Variants in TAFA1 observed in about 807,000 individuals in gnomAD.
The protein encoded by TAFA1 is TAFA chemokine like family member 1.
TAFA1 carries 4 observed loss-of-function variants against 18.5 expected under a neutral mutation model. That is an observed-to-expected ratio of 0.22 (90% CI 0.11 to 0.49). TAFA1 has a LOEUF of 0.49. Among genes scored for constraint, TAFA1 ranks in the 20% least tolerant of loss-of-function variants. TAFA1 has a pLI of 0.98. For synonymous variants in TAFA1, 56 were observed against 55.2 expected, an observed-to-expected ratio of 1.01 and a Z score of -0.06; for missense variants, 147 against 169.0, an observed-to-expected ratio of 0.87 and a Z score of 0.72.
chr3:68,229,364 AT>A (rs1466143096), intron 2 of TAFA1, among the ~76,000 whole-genome samples: 1 of 152,208 alleles, frequency 6.6e-6, no homozygotes, highest in Non-Finnish European at 1.5e-5. Context: ...TCTTGCTAAG[AT>A]ATCTTATTCT....
intron 3 of TAFA1, among the ~76,000 whole-genome samples, chr3:68,485,022 T>C (rs1229854561): frequency 3.9e-5 from 6 of 152,332 alleles, no homozygotes; most frequent in East Asian, 1.9e-4. Context: ...CTTGCAAAGA[T>C]AGGAAGATTA....
At chr3:67,993,809 G>T in the TAFA1 span, among the ~76,000 whole-genome samples, 2 of 152,206 alleles carry the variant, frequency 1.3e-5, no homozygotes, top group East Asian at 1.9e-4. Flanking sequence ...AAGAGGAGGG[G>T]GTGGAAGAGA....
intron 2 of TAFA1, among the ~76,000 whole-genome samples, chr3:68,298,428 G>A (rs1341881681): frequency 6.6e-6 from 1 of 152,180 alleles, no homozygotes; most frequent in African/African-American, 2.4e-5. Context: ...ACAGAAAAAG[G>A]AGGACATTGA....
At chr3:68,520,089 G>GT (rs936809202) in intron 3 of TAFA1, among the ~76,000 whole-genome samples, 8 of 151,882 alleles carry the variant, frequency 5.3e-5, no homozygotes, top group Non-Finnish European at 8.8e-5. Flanking sequence ...ACTGGTGATT[G>GT]TTTTTTTTCT....
intron 2 of TAFA1, among the ~76,000 whole-genome samples, chr3:68,130,295 A>AT (rs1481808410): frequency 2.6e-5 from 4 of 152,190 alleles, no homozygotes; most frequent in African/African-American, 9.7e-5. Flanking sequence ...AATTCCAAGA[A>AT]TTTTAGGCAC....
chr3:68,453,761 G>A (rs1478852185), intron 3 of TAFA1, among the ~76,000 whole-genome samples: 1 of 152,146 alleles, frequency 6.6e-6, no homozygotes, highest in Non-Finnish European at 1.5e-5. Context: ...TTCCTGGGAT[G>A]TTATTCATCA....
chr3:68,494,111 A>AT (rs1329433789), intron 3 of TAFA1, among the ~76,000 whole-genome samples: 1 of 151,986 alleles, frequency 6.6e-6, no homozygotes, highest in Non-Finnish European at 1.5e-5. Flanking sequence ...TATTTGTTTA[A>AT]TTTTTTTTGA....
At chr3:68,392,934 A>G (rs1220289685) in intron 2 of TAFA1, among the ~76,000 whole-genome samples, 1 of 152,188 alleles carries the variant, frequency 6.6e-6, no homozygotes, top group African/African-American at 2.4e-5. Context: ...CCCTAACGTC[A>G]CAATTAAAAG....
At chr3:68,309,272 A>G (rs777189982) in intron 2 of TAFA1, among the ~76,000 whole-genome samples, 25 of 152,216 alleles carry the variant, frequency 1.6e-4, no homozygotes, top group Non-Finnish European at 3.1e-4. Flanking sequence ...ATAATGAATT[A>G]TAAAATACAA....
intron 3 of TAFA1, among the ~76,000 whole-genome samples, chr3:68,530,707 C>T (rs1267138838): frequency 1.3e-5 from 2 of 151,972 alleles, no homozygotes; most frequent in African/African-American, 4.8e-5. Flanking sequence ...AAATGGTTCA[C>T]TTGTGGGAAT....
At chr3:68,030,428 C>G (rs756964350) in intron 2 of TAFA1, among the ~76,000 whole-genome samples, 1 of 152,094 alleles carries the variant, frequency 6.6e-6, no homozygotes. Context: ...CCCCACCAGC[C>G]GACAGGCCCC....
intron 3 of TAFA1, among the ~76,000 whole-genome samples, chr3:68,501,620 G>A (rs2072661120): frequency 6.6e-6 from 1 of 152,144 alleles, no homozygotes; most frequent in Non-Finnish European, 1.5e-5. Flanking sequence ...GGAACCACAA[G>A]AGTGATGACA....
chr3:68,425,267 T>C (rs1202788041), intron 3 of TAFA1, among the ~76,000 whole-genome samples: 28 of 151,964 alleles, frequency 1.8e-4, no homozygotes, highest in Non-Finnish European at 1.0e-4. Context: ...AGATAATGAA[T>C]TGCTGTGGTG....
intron 2 of TAFA1, among the ~76,000 whole-genome samples, chr3:68,070,366 C>G (rs2064738277): frequency 1.3e-5 from 2 of 152,356 alleles, no homozygotes; most frequent in African/African-American, 2.4e-5. Flanking sequence ...GCAGTTGGAA[C>G]AGCTGGGTTG....
At chr3:68,196,419 G>A (rs896077277) in intron 2 of TAFA1, among the ~76,000 whole-genome samples, 1 of 151,584 alleles carries the variant, frequency 6.6e-6, no homozygotes, top group African/African-American at 2.4e-5. Flanking sequence ...AGTCAATTTT[G>A]GTGATACTTA....
chr3:68,512,087 G>C (rs2072855595), intron 3 of TAFA1, among the ~76,000 whole-genome samples: 2 of 151,934 alleles, frequency 1.3e-5, no homozygotes, highest in African/African-American at 4.8e-5. Flanking sequence ...CTTGATCAAG[G>C]TCCCTTAAAC....
rs138217361 is a variant in TAFA1, at chr3:68,536,481, G to A, written c.260-2275G>A. Among the ~76,000 whole-genome samples, 383 of 152,198 alleles carry A rather than the reference G, an allele frequency of 2.5e-3. 2 individuals are homozygous for A. The highest frequency in any genetic ancestry group is 8.6e-3 in the African/African-American group (359 of 41,538). On this transcript the variant is annotated intron_variant, in intron 3 of 4. Coordinates refer to ENST00000478136, the MANE Select transcript of TAFA1 (RefSeq NM_213609.4). ...GAGTGAGTAAAGAACGAGGGTTCTC[G>A]TCCCGTGTAAAAACAGCCAACCAGA... is the stretch of plus-strand genomic sequence containing the variant.
intron 2 of TAFA1, among the ~76,000 whole-genome samples, chr3:68,203,973 C>A (rs2107047691): frequency 8.3e-6 from 1 of 120,518 alleles, no homozygotes; most frequent in East Asian, 2.7e-4. Context: ...CCCATGACCA[C>A]ATCCCCTTGT....
rs916358691 is a variant in TAFA1 at position 68,181,612 on chromosome 3, T to C, written c.118+174868T>C. Among the ~76,000 whole-genome samples the C allele has an allele frequency of 2.0e-5, 3 of 152,174 alleles. No individual in the cohort carries two copies. The East Asian group carries it at 5.8e-4, about 29-fold the overall frequency. On this transcript the variant is annotated intron_variant, in intron 2 of 4. Coordinates refer to ENST00000478136, the MANE Select transcript of TAFA1 (RefSeq NM_213609.4). ...ACTGTTTAGATTTATCTTTTAAAAA[T>C]TCCCTTCATATGTGGTTCCAAATAT...
Sources: allele counts gnomAD v4.1 joint callset (sites outside exome capture counted in the v4.1 genomes callset), GRCh38; gene constraint gnomAD v4.1.1; transcripts MANE v1.5; gene names NCBI Gene and HGNC (gene_info 2026-07-23, HGNC 2026-07-21).